Variants in MOB3B observed in about 807,000 individuals in gnomAD.
MOB3B encodes MOB kinase activator-like 2B.
Under a neutral mutation model 18.7 loss-of-function variants are expected in MOB3B, and 7 were observed. The observed-to-expected ratio is 0.37, with a 90% CI of 0.21 to 0.70. The LOEUF (loss-of-function observed/expected upper bound fraction) is 0.70. MOB3B is among the 30% of genes least tolerant of loss of function. The probability of loss-of-function intolerance (pLI) is 0.52; values close to 1 mark genes in which losing one functional copy is unlikely to be tolerated. For synonymous variants in MOB3B, 111 were observed against 99.9 expected (o/e 1.11, Z -0.66); for missense variants, 253 against 281.3 (o/e 0.90, Z 0.72).
chr9:27,371,361 C>T (rs938107161), intron 2 of MOB3B, among the ~76,000 whole-genome samples: 3 of 152,174 alleles, frequency 2.0e-5, no homozygotes, highest in African/African-American at 7.2e-5. Context: ...GGGGGATCTT[C>T]TCCAGACAAA....
At chr9:27,364,553 A>G (rs1033286680) in intron 2 of MOB3B, among the ~76,000 whole-genome samples, 4 of 152,242 alleles carry the variant, frequency 2.6e-5, no homozygotes, top group African/African-American at 9.6e-5. Flanking sequence ...TAAAACACAG[A>G]GTCTGTAACC....
At chr9:27,506,877 T>C (rs1281863611) in intron 1 of MOB3B, among the ~76,000 whole-genome samples, 1 of 150,422 alleles carries the variant, frequency 6.6e-6, no homozygotes, top group African/African-American at 2.5e-5. Context: ...AGACGGGGTT[T>C]CACCATCTTG....
intron 1 of MOB3B, among the ~76,000 whole-genome samples, chr9:27,487,544 G>C (rs1203871945): frequency 6.6e-6 from 1 of 152,042 alleles, no homozygotes; most frequent in African/African-American, 2.4e-5. Context: ...GGGGGCCAGG[G>C]AGAACTGATG....
rs78263287 is a variant in MOB3B, at chr9:27,380,109, G to A, written c.419-20873C>T. On this transcript the variant is annotated intron_variant, in intron 2 of 3. Coordinates refer to ENST00000262244, the MANE Select transcript of MOB3B (RefSeq NM_024761.5). Reference sequence around the variant, plus strand: ...GATCAACCCCTGTATCTTGCAAGTTGTGTCTAAATCCTCACCCACCACGAG... The same window carrying A: ...GATCAACCCCTGTATCTTGCAAGTTATGTCTAAATCCTCACCCACCACGAG... Among the ~76,000 whole-genome samples the A allele has an allele frequency of 1.5e-3, 235 of 152,248 alleles. 4 individuals carry two copies. The East Asian group carries it at 0.033, about 21-fold the overall frequency.
At chr9:27,333,829 A>G (rs1007417914) in intron 3 of MOB3B, among the ~76,000 whole-genome samples, 2 of 152,164 alleles carry the variant, frequency 1.3e-5, no homozygotes, top group South Asian at 2.1e-4. Flanking sequence ...AAGCCTGTCA[A>G]AGAAAGAGGA....
chr9:27,498,249 AG>A (rs1416313657), intron 1 of MOB3B, among the ~76,000 whole-genome samples: 1 of 152,220 alleles, frequency 6.6e-6, no homozygotes, highest in African/African-American at 2.4e-5. Flanking sequence ...CAGTGCTAAA[AG>A]TGCTTAAAAA....
At chr9:27,447,968 G>A (rs986923269) in intron 2 of MOB3B, among the ~76,000 whole-genome samples, 5 of 152,086 alleles carry the variant, frequency 3.3e-5, no homozygotes, top group Non-Finnish European at 1.5e-5. Flanking sequence ...ACCAGTAAGG[G>A]CCCAGTAGAG....
intron 2 of MOB3B, among the ~76,000 whole-genome samples, chr9:27,444,246 A>G (rs184052797): frequency 0.026 from 2,143 of 82,466 alleles, 15 homozygotes; most frequent in Non-Finnish European, 0.034. Context: ...GAGGGAAGGA[A>G]GGAAGGAAGG....
At position 27,403,636 on chromosome 9, in the gene MOB3B, G is replaced by A. The variant is rs1476578087; in HGVS notation, c.419-44400C>T. Among the ~76,000 whole-genome samples the A allele has an allele frequency of 3.4e-5, 5 of 145,838 alleles. No individual in the cohort carries two copies. The South Asian group carries it at 6.7e-4, about 20-fold the overall frequency. ...CAACCTCCACCTCCCAGGTTGAAGC[G>A]AACCCAGTTAATTTTTGTATGTTTA... On this transcript the variant is annotated intron_variant, in intron 2 of 3. Transcript: ENST00000262244.
At chr9:27,389,087 C>T (rs1409896710) in intron 2 of MOB3B, among the ~76,000 whole-genome samples, 1 of 152,194 alleles carries the variant, frequency 6.6e-6, no homozygotes, top group Admixed American at 6.5e-5. Context: ...CCCACTAATG[C>T]TTCCAATAAA....
chr9:27,424,965 GA>G (rs1822305395), intron 2 of MOB3B, among the ~76,000 whole-genome samples: 1 of 152,178 alleles, frequency 6.6e-6, no homozygotes, highest in Non-Finnish European at 1.5e-5. Flanking sequence ...AGGGTTCTGT[GA>G]AATATGCCTG....
chr9:27,350,900 C>CTT (rs36005041), intron 3 of MOB3B, among the ~76,000 whole-genome samples: 3 of 131,892 alleles, frequency 2.3e-5, no homozygotes, highest in Non-Finnish European at 4.9e-5. Flanking sequence ...CCATGGTGGG[C>CTT]TTTTTTTTTT....
chr9:27,486,906 G>A (rs1214278084), intron 1 of MOB3B, among the ~76,000 whole-genome samples: 2 of 152,124 alleles, frequency 1.3e-5, no homozygotes, highest in Admixed American at 6.5e-5. Flanking sequence ...TGAGGCAGAT[G>A]GATCACTTGA....
chr9:27,471,104 G>A (rs1181536609), intron 1 of MOB3B, among the ~76,000 whole-genome samples: 1 of 152,082 alleles, frequency 6.6e-6, no homozygotes, highest in African/African-American at 2.4e-5. Context: ...TGCACCTGGG[G>A]TGCAAGTTTA....
intron 2 of MOB3B, among the ~76,000 whole-genome samples, chr9:27,380,812 T>C (rs904154210): frequency 2.0e-5 from 3 of 151,474 alleles, no homozygotes; most frequent in African/African-American, 7.3e-5. Flanking sequence ...TCATAAGAGA[T>C]TAGTTAAAAC....
chr9:27,507,361 T>C (rs1022275964), intron 1 of MOB3B, among the ~76,000 whole-genome samples: 1 of 152,136 alleles, frequency 6.6e-6, no homozygotes, highest in Non-Finnish European at 1.5e-5. Context: ...GTCAGCCCAG[T>C]CTTGTTATTG....
At position 27,505,317 on chromosome 9, in the gene MOB3B, C is replaced by T. The variant is rs112853291; in HGVS notation, c.-199+24238G>A. The stretch of plus-strand genomic sequence containing the variant: ...GGAAAGGGCAAGAGTGAAGGAATGA[C>T]GGCCTGGTGTTCCTGCCCCAAATCA... On this transcript the variant is annotated intron_variant, in intron 1 of 3. Transcript: ENST00000262244. Among the ~76,000 whole-genome samples, 135 of 152,262 alleles carry T rather than the reference C, an allele frequency of 8.9e-4. 1 individual carries two copies. Among genetic ancestry groups the T allele is most frequent in the African/African-American group, 2.8e-3 (118 of 41,548 alleles).
intron 1 of MOB3B, among the ~76,000 whole-genome samples, chr9:27,486,070 A>T (rs564712611): frequency 1.3e-5 from 2 of 152,348 alleles, no homozygotes; most frequent in Non-Finnish European, 2.9e-5. Context: ...ACACACATAC[A>T]TGATGTACAA....
chr9:27,343,323 G>A (rs980432701), intron 3 of MOB3B, among the ~76,000 whole-genome samples: 6 of 151,338 alleles, frequency 4.0e-5, no homozygotes, highest in Non-Finnish European at 5.9e-5. Context: ...AAGTACCCAG[G>A]GACACAAACA....
Sources: allele counts gnomAD v4.1 joint callset (sites outside exome capture counted in the v4.1 genomes callset), GRCh38; gene constraint gnomAD v4.1.1; transcripts MANE v1.5; gene names NCBI Gene and HGNC (gene_info 2026-07-23, HGNC 2026-07-21).